DAPK1: variants seen among roughly 807,000 people sequenced by gnomAD.
The protein encoded by DAPK1 is death-associated protein kinase 1.
DAPK1 carries 56 observed loss-of-function variants against 144.9 expected under a neutral mutation model. The observed-to-expected ratio is 0.39, with a 90% CI of 0.31 to 0.48. The LOEUF is 0.48. DAPK1 is among the 20% of genes least tolerant of loss of function. The pLI, the probability that DAPK1 is intolerant of heterozygous loss-of-function variation, is 0.95. For synonymous variants in DAPK1, 690 were observed against 749.0 expected, an observed-to-expected ratio of 0.92 and a Z score of 1.29; for missense variants, 1,454 against 1,875.4, an observed-to-expected ratio of 0.78 and a Z score of 4.15.
intron 2 of DAPK1, among the ~76,000 whole-genome samples, chr9:87,518,312 G>A (rs71508557): frequency 1.4e-5 from 2 of 138,420 alleles, no homozygotes. Context: ...ATTTTTAGTA[G>A]AGATGGAGTT....
chr9:87,622,344 T>G (rs1225503889), intron 3 of DAPK1, among the ~76,000 whole-genome samples: 5 of 151,962 alleles, frequency 3.3e-5, no homozygotes, highest in African/African-American at 9.7e-5. Context: ...CTGCAGGGTG[T>G]GAGTGTCACC....
chr9:87,508,553 A>G (rs527434186), intron 2 of DAPK1, among the ~76,000 whole-genome samples: 1 of 152,066 alleles, frequency 6.6e-6, no homozygotes, highest in South Asian at 2.1e-4. Context: ...CGTGTTAGCC[A>G]GGATGGTCTC....
chr9:87,649,301 C>T (rs1018365584), intron 15 of DAPK1, among the ~76,000 whole-genome samples: 1 of 152,174 alleles, frequency 6.6e-6, no homozygotes, highest in Non-Finnish European at 1.5e-5. Context: ...GGCCTCTCAT[C>T]GGTGCATATA....
intron 18 of DAPK1, among the ~76,000 whole-genome samples, chr9:87,663,019 G>T (rs936774569): frequency 6.6e-6 from 1 of 151,972 alleles, no homozygotes; most frequent in African/African-American, 2.4e-5. Context: ...CTACCCTCCA[G>T]AAGCAATTCC....
chr9:87,638,193 A>G (rs575089848), intron 4 of DAPK1, 112 bp downstream of exon 4: 76 of 1,165,918 alleles, frequency 6.5e-5, no homozygotes, highest in Middle Eastern at 4.1e-4. Flanking sequence ...TTCCTGTACC[A>G]GTTTAACAAA....
In DAPK1 at chr9:87,553,109, C is replaced by G. The variant is rs558039191; in HGVS notation, c.63-51845C>G. Among the ~76,000 whole-genome samples, 11 of 152,302 alleles carry G rather than the reference C, an allele frequency of 7.2e-5. No homozygotes were observed. In the South Asian group the frequency reaches 2.3e-3, roughly 32 times the overall value. ...CTTTCTGTCTCTGAATTTAAATCTA[C>G]TTTTGAGAAGACACATTGTTCTGGT... is the stretch of plus-strand genomic sequence containing the variant. On this transcript the variant is annotated intron_variant, in intron 2 of 25. Transcript: ENST00000408954.
intron 2 of DAPK1, among the ~76,000 whole-genome samples, chr9:87,600,148 G>C (rs994238575): frequency 6.6e-6 from 1 of 152,178 alleles, no homozygotes; most frequent in Non-Finnish European, 1.5e-5. Flanking sequence ...TGTGAGAGCC[G>C]AAGCAAGAAG....
chr9:87,559,985 A>G (rs1284232825), intron 2 of DAPK1, among the ~76,000 whole-genome samples: 1 of 147,408 alleles, frequency 6.8e-6, no homozygotes, highest in Non-Finnish European at 1.5e-5. Flanking sequence ...CTGCCCTTGA[A>G]TCTTTTTCTT....
intron 3 of DAPK1, among the ~76,000 whole-genome samples, chr9:87,606,572 C>T (rs1828726920): frequency 9.9e-6 from 1 of 100,678 alleles, no homozygotes; most frequent in Admixed American, 1.0e-4. Flanking sequence ...CTCCCTCCGT[C>T]TCCCCTTCCT....
intron 25 of DAPK1, among the ~76,000 whole-genome samples, chr9:87,704,678 G>A (rs960379725): frequency 6.6e-6 from 1 of 152,180 alleles, no homozygotes; most frequent in African/African-American, 2.4e-5. Context: ...AACTGCAAAT[G>A]GTATTCCAGC....
intron 3 of DAPK1, chr9:87,632,493 T>C (rs985576944): frequency 1.0e-6 from 1 of 979,838 alleles, no homozygotes; most frequent in South Asian, 4.7e-5. Context: ...AGTATATATG[T>C]AGGGATGAAG....
At chr9:87,603,119 C>A (rs913150456) in intron 2 of DAPK1, among the ~76,000 whole-genome samples, 3 of 152,168 alleles carry the variant, frequency 2.0e-5, no homozygotes, top group East Asian at 1.9e-4. Flanking sequence ...GCCTCCCTAT[C>A]CTGGGTCCTT....
At chr9:87,591,210 A>G (rs1362467933) in intron 2 of DAPK1, among the ~76,000 whole-genome samples, 1 of 152,156 alleles carries the variant, frequency 6.6e-6, no homozygotes, top group Admixed American at 6.5e-5. Flanking sequence ...TGCTTTTCAG[A>G]TGAATGTACA....
chr9:87,684,112 C>T (rs3128485), intron 20 of DAPK1, among the ~76,000 whole-genome samples: 70,701 of 152,212 alleles, frequency 0.46, 17,293 homozygotes, highest in East Asian at 0.72. Flanking sequence ...CATCAGACAG[C>T]GCCCGGGAAA....
chr9:87,584,413 T>C (rs894018585), intron 2 of DAPK1, among the ~76,000 whole-genome samples: 59 of 152,212 alleles, frequency 3.9e-4, no homozygotes, highest in African/African-American at 1.4e-3. Context: ...GCAATAAACA[T>C]GGGAGTGCAG....
At chr9:87,631,301 A>G (rs1243041064) in intron 3 of DAPK1, among the ~76,000 whole-genome samples, 1 of 152,196 alleles carries the variant, frequency 6.6e-6, no homozygotes, top group Non-Finnish European at 1.5e-5. Flanking sequence ...ACCCTCCAGA[A>G]TGTTTTAATT....
intron 2 of DAPK1, among the ~76,000 whole-genome samples, chr9:87,602,656 C>T (rs1312608387): frequency 1.3e-5 from 2 of 151,706 alleles, no homozygotes; most frequent in Admixed American, 6.6e-5. Context: ...CCCCCTGAGA[C>T]GGAGTTTTGC....
intron 2 of DAPK1, among the ~76,000 whole-genome samples, chr9:87,525,712 GCT>G (rs1045952681): frequency 3.3e-5 from 5 of 152,116 alleles, no homozygotes; most frequent in Admixed American, 6.5e-5. Context: ...CCCACTGTGA[GCT>G]CTCTCAGACC....
chr9:87,561,240 T>A (rs10868633), intron 2 of DAPK1, among the ~76,000 whole-genome samples: 1 of 151,758 alleles, frequency 6.6e-6, no homozygotes, highest in Admixed American at 6.6e-5. Flanking sequence ...ATACACCAAA[T>A]ATGTGGCCGG....
Sources: gnomAD v4.1 joint callset for allele counts (sites outside exome capture counted in the v4.1 genomes callset) on GRCh38, gnomAD v4.1.1 for gene constraint, MANE v1.5 for transcripts, NCBI Gene and HGNC (gene_info 2026-07-23, HGNC 2026-07-21) for gene names.